EFR3A: variants seen among roughly 807,000 people sequenced by gnomAD.
EFR3A encodes the protein protein EFR3 homolog A.
A neutral mutation model predicts 104.4 loss-of-function variants in EFR3A; 76 were observed. The ratio of observed to expected loss-of-function variants is 0.73; its 90% CI spans 0.60 to 0.88. The LOEUF is 0.88. Among genes scored for constraint, EFR3A ranks in the 40% least tolerant of loss-of-function variants. The pLI is 0.00. For missense variants in EFR3A, 985 were observed against 1,012.5 expected (o/e 0.97, Z 0.37); for synonymous variants, 330 against 330.0 (o/e 1.00, Z 0.00).
At chr8:131,999,079 C>T (rs572188247) in intron 19 of EFR3A, among the ~76,000 whole-genome samples, 6 of 152,122 alleles carry the variant, frequency 3.9e-5, no homozygotes, top group South Asian at 2.1e-4. Context: ...CCTGAAATCA[C>T]CACACTACTC....
chr8:131,984,436 T>G (rs1163453404), intron 15 of EFR3A, 136 bp downstream of exon 15: 2 of 806,672 alleles, frequency 2.5e-6, no homozygotes, highest in East Asian at 5.3e-5. Context: ...CTCAAGACTA[T>G]GACTACATTC....
chr8:131,943,411 T>C (rs1258300977), intron 2 of EFR3A, among the ~76,000 whole-genome samples: 1 of 151,958 alleles, frequency 6.6e-6, no homozygotes, highest in South Asian at 2.1e-4. Flanking sequence ...TTTATTTCAA[T>C]GATGATGTGG....
chr8:132,010,271 G>T (rs376406666), intron 22 of EFR3A, among the ~76,000 whole-genome samples: 1 of 151,340 alleles, frequency 6.6e-6, no homozygotes, highest in Non-Finnish European at 1.5e-5. Context: ...AATTCTACTT[G>T]TAAGACTATA....
chr8:131,904,391 C>T (rs1816134927), intron 1 of EFR3A, 69 bp downstream of exon 1: 3 of 1,227,066 alleles, frequency 2.4e-6, no homozygotes, highest in Admixed American at 4.2e-5. Context: ...GGGCCGGGTA[C>T]TCCTCCCGGG....
chr8:131,914,266 C>A (rs1422709867), intron 1 of EFR3A, among the ~76,000 whole-genome samples: 1 of 152,188 alleles, frequency 6.6e-6, no homozygotes, highest in African/African-American at 2.4e-5. Flanking sequence ...TTTCATTTCA[C>A]AACTCAAATT....
chr8:131,920,531 G>T (rs1328779387), intron 1 of EFR3A, among the ~76,000 whole-genome samples: 2 of 152,156 alleles, frequency 1.3e-5, no homozygotes, highest in African/African-American at 4.8e-5. Context: ...TTTGTAATAT[G>T]ACAGATTCTC....
chr8:131,975,743 G>C (rs911863491), intron 10 of EFR3A, among the ~76,000 whole-genome samples: 1 of 152,028 alleles, frequency 6.6e-6, no homozygotes, highest in Non-Finnish European at 1.5e-5. Flanking sequence ...TAAAACTCCA[G>C]TCAACTCAAG....
chr8:131,984,109 T>C, intron 14 of EFR3A, 30 bp from the exon 15 acceptor site: 5 of 1,559,114 alleles, frequency 3.2e-6, no homozygotes, highest in Non-Finnish European at 4.3e-6. Flanking sequence ...TTAAGCAAAA[T>C]TACCTTTGTC....
chr8:131,911,817 A>G (rs1167339202), intron 1 of EFR3A, among the ~76,000 whole-genome samples: 1 of 152,170 alleles, frequency 6.6e-6, no homozygotes, highest in East Asian at 1.9e-4. Context: ...TTTTTCTTGG[A>G]TTATCTGAGC....
intron 19 of EFR3A, among the ~76,000 whole-genome samples, chr8:131,997,974 T>C (rs1182130630): frequency 6.6e-6 from 1 of 152,066 alleles, no homozygotes; most frequent in African/African-American, 2.4e-5. Flanking sequence ...TAAAAGTCTG[T>C]TAATATTTTT....
intron 19 of EFR3A, among the ~76,000 whole-genome samples, chr8:131,997,499 C>T (rs1256976881): frequency 6.6e-6 from 1 of 152,032 alleles, no homozygotes; most frequent in Non-Finnish European, 1.5e-5. Flanking sequence ...TTATTAAGAA[C>T]TTATCAGCAC....
rs1369942101 is a variant in EFR3A, at chr8:131,938,765, G to A, written c.11-1734G>A. Among the ~76,000 whole-genome samples, 4 of 152,092 alleles carry A rather than the reference G, an allele frequency of 2.6e-5. No homozygotes were observed. The East Asian group carries it at 7.7e-4, about 29-fold the overall frequency. ...CTTTGAAGTCATCAGGTCTGGGTTG[G>A]AATTGCAGTTCCTCAGATCCTCCCC... On this transcript the variant is annotated intron_variant, in intron 1 of 22. Coordinates refer to ENST00000254624, the MANE Select transcript of EFR3A (RefSeq NM_015137.6).
chr8:131,912,695 A>G (rs1586518792), intron 1 of EFR3A, among the ~76,000 whole-genome samples: 1 of 152,192 alleles, frequency 6.6e-6, no homozygotes, highest in Non-Finnish European at 1.5e-5. Flanking sequence ...ACAGCTCAAC[A>G]TAATTTTTTC....
intron 9 of EFR3A, among the ~76,000 whole-genome samples, chr8:131,969,612 T>C (rs754827970): frequency 2.0e-5 from 3 of 151,920 alleles, no homozygotes; most frequent in Middle Eastern, 3.2e-3. Context: ...ACTGCAGATA[T>C]GGAGGACCAA....
Position 132,011,611 on chromosome 8 carries a change from CTG to C in EFR3A, c.*719_*720del, listed in dbSNP as rs1216006040. 3.2e-5 allele frequency: 6 copies of C among 185,350 alleles called. No individual in the cohort carries two copies. Among genetic ancestry groups the C allele is most frequent in the African/African-American group, 1.4e-4 (6 of 42,094 alleles). 11.5% of individuals were successfully genotyped at this position (185,350 alleles called of 1,614,324 possible). ...TAGAGCTTACTCTTGGAGTACCAAA[CTG>C]TGCAATATTTTTACATCATAAGATG... On this transcript the variant is annotated 3_prime_UTR_variant, in exon 23 of 23. Transcript: ENST00000254624.
intron 22 of EFR3A, among the ~76,000 whole-genome samples, chr8:132,010,549 C>G (rs1185884802): frequency 6.6e-6 from 1 of 150,776 alleles, no homozygotes; most frequent in Non-Finnish European, 1.5e-5. Context: ...AGAGTATAAT[C>G]GCATTTAAAA....
intron 1 of EFR3A, among the ~76,000 whole-genome samples, chr8:131,920,046 G>C (rs1259759820): frequency 1.3e-5 from 2 of 152,062 alleles, no homozygotes; most frequent in Admixed American, 1.3e-4. Flanking sequence ...AAATAAAAAG[G>C]GGCCTTAGCT....
rs1265810157 is a variant in EFR3A, at chr8:131,945,016, T to C, written c.215+144T>C. The C allele has an allele frequency of 3.1e-6, 3 of 977,234 alleles. No individual in the cohort carries two copies. The East Asian group carries it at 8.8e-5, about 29-fold the overall frequency. 60.5% of individuals were successfully genotyped at this position (977,234 alleles called of 1,614,324 possible). On this transcript the variant is annotated intron_variant, in intron 3 of 22. Coordinates refer to ENST00000254624, the MANE Select transcript of EFR3A (RefSeq NM_015137.6). ...CATTGTAATATTATACAAAGAAATATATAATACTCCAATAGATGCTGTGGC... is the reference window on the plus strand; with the variant it reads ...CATTGTAATATTATACAAAGAAATACATAATACTCCAATAGATGCTGTGGC...
At chr8:131,981,081 A>T (rs1369009300) in intron 14 of EFR3A, among the ~76,000 whole-genome samples, 1 of 151,190 alleles carries the variant, frequency 6.6e-6, no homozygotes, top group Non-Finnish European at 1.5e-5. Flanking sequence ...TCATCTGTTG[A>T]TGGACACTTA....
Sources: gnomAD v4.1 joint callset for allele counts (sites outside exome capture counted in the v4.1 genomes callset) on GRCh38, gnomAD v4.1.1 for gene constraint, MANE v1.5 for transcripts, NCBI Gene and HGNC (gene_info 2026-07-23, HGNC 2026-07-21) for gene names.